The following BNC2 variants were observed in gnomAD, a reference collection of about 807,000 sequenced individuals.
The protein encoded by BNC2 is zinc finger protein basonuclin-2.
In BNC2, 20 loss-of-function variants were observed where a neutral mutation model predicts 76.3. That is an observed-to-expected ratio of 0.26 (90% confidence interval 0.18 to 0.38). The LOEUF (loss-of-function observed/expected upper bound fraction) is 0.38. BNC2 is among the 10% of genes least tolerant of loss of function. The probability of loss-of-function intolerance (pLI) is 1.00; values close to 1 mark genes in which losing one functional copy is unlikely to be tolerated. For synonymous variants in BNC2, 582 were observed against 514.8 expected, an observed-to-expected ratio of 1.13 and a Z score of -1.77; for missense variants, 1,382 against 1,399.8, an observed-to-expected ratio of 0.99 and a Z score of 0.20.
At chr9:16,455,899 A>C (rs1821437983) in intron 5 of BNC2, among the ~76,000 whole-genome samples, 1 of 152,208 alleles carries the variant, frequency 6.6e-6, no homozygotes, top group African/African-American at 2.4e-5. Context: ...GTTATTTCCA[A>C]ATCTGTAGCT....
intron 4 of BNC2, among the ~76,000 whole-genome samples, chr9:16,558,932 T>TC (rs1818924758): frequency 9.0e-6 from 1 of 110,766 alleles, no homozygotes; most frequent in Admixed American, 9.6e-5. Flanking sequence ...AGACTCCGTC[T>TC]CAAAAAAAAA....
At chr9:16,836,115 C>T (rs371152143) in intron 1 of BNC2, among the ~76,000 whole-genome samples, 23 of 152,152 alleles carry the variant, frequency 1.5e-4, no homozygotes, top group Admixed American at 5.9e-4. Flanking sequence ...TTGCCTCTCA[C>T]GCTATGAATG....
At chr9:16,800,246 C>T (rs1817749227) in intron 1 of BNC2, among the ~76,000 whole-genome samples, 1 of 150,280 alleles carries the variant, frequency 6.7e-6, no homozygotes, top group Non-Finnish European at 1.5e-5. Context: ...AGAAAAGAAA[C>T]TATGTAGAAA....
chr9:16,658,765 C>T (rs530833248), intron 3 of BNC2, among the ~76,000 whole-genome samples: 4 of 152,244 alleles, frequency 2.6e-5, no homozygotes, highest in Middle Eastern at 6.8e-3. Context: ...ACAGACAATC[C>T]AGCTACCAAA....
At chr9:16,647,355 G>T (rs1330832634) in intron 3 of BNC2, among the ~76,000 whole-genome samples, 2 of 151,996 alleles carry the variant, frequency 1.3e-5, no homozygotes, top group Non-Finnish European at 2.9e-5. Context: ...ACGGGTGGGG[G>T]CCGGTAGAAG....
intron 3 of BNC2, among the ~76,000 whole-genome samples, chr9:16,718,159 C>T (rs1023985147): frequency 1.3e-5 from 2 of 152,112 alleles, no homozygotes; most frequent in Non-Finnish European, 2.9e-5. Flanking sequence ...CTTATTTGAA[C>T]AACAATGGTA....
intron 5 of BNC2, among the ~76,000 whole-genome samples, chr9:16,524,928 G>A (rs1016700872): frequency 6.6e-6 from 1 of 152,014 alleles, no homozygotes; most frequent in African/African-American, 2.4e-5. Context: ...ACAAAAATTA[G>A]CTGGGTGTGG....
At chr9:16,423,359 C>T (rs1299012691) in intron 6 of BNC2, among the ~76,000 whole-genome samples, 1 of 152,110 alleles carries the variant, frequency 6.6e-6, no homozygotes, top group Non-Finnish European at 1.5e-5. Context: ...GGAAGTTCCT[C>T]TTACAGAAAA....
At chr9:16,569,002 A>ATTTTT (rs1819241738) in intron 4 of BNC2, among the ~76,000 whole-genome samples, 1 of 131,646 alleles carries the variant, frequency 7.6e-6, no homozygotes, top group African/African-American at 3.8e-5. Context: ...TTGCTTCTAG[A>ATTTTT]GTTTTTTTTT....
chr9:16,861,951 T>TGGACTCCAGCCTGGGCGACAGAGCG (rs1819421630), intron 1 of BNC2, among the ~76,000 whole-genome samples: 1 of 150,210 alleles, frequency 6.7e-6, no homozygotes, highest in Non-Finnish European at 1.5e-5. Flanking sequence ...ATTGCACCAC[T>TGGACTCCAGCCTGGGCGACAGAGCG]GGACTCCAGC....
chr9:16,488,451 T>C (rs781705447), intron 5 of BNC2, among the ~76,000 whole-genome samples: 1 of 152,148 alleles, frequency 6.6e-6, no homozygotes, highest in Admixed American at 6.5e-5. Flanking sequence ...CAGAAATAAA[T>C]TAAGCAACTT....
chr9:16,422,326 T>C (rs982679310), intron 6 of BNC2, among the ~76,000 whole-genome samples: 3 of 152,180 alleles, frequency 2.0e-5, no homozygotes, highest in African/African-American at 4.8e-5. Context: ...TCTGCTAATA[T>C]AATTACATTG....
intron 5 of BNC2, among the ~76,000 whole-genome samples, chr9:16,538,982 T>C (rs986014128): frequency 3.3e-5 from 5 of 152,168 alleles, no homozygotes; most frequent in African/African-American, 1.2e-4. Flanking sequence ...CAACTTCCAC[T>C]AAACTGAAAG....
intron 3 of BNC2, chr9:16,727,531 T>C (rs957618821): frequency 1.1e-5 from 5 of 475,820 alleles, no homozygotes; most frequent in South Asian, 2.9e-5. Context: ...CTGACCCAGA[T>C]TGTACTGTGA....
chr9:16,666,226 G>C (rs764773725), intron 3 of BNC2, among the ~76,000 whole-genome samples: 1 of 151,980 alleles, frequency 6.6e-6, no homozygotes, highest in Non-Finnish European at 1.5e-5. Context: ...CTTTCCTCCA[G>C]AGCTATAGTT....
chr9:16,581,872 C>T, intron 4 of BNC2, among the ~76,000 whole-genome samples: 1 of 152,140 alleles, frequency 6.6e-6, no homozygotes, highest in East Asian at 1.9e-4. Flanking sequence ...AGGATTGTGG[C>T]TGCATGGTGG....
chr9:16,526,318 T>A (rs1817798245), intron 5 of BNC2, among the ~76,000 whole-genome samples: 1 of 152,116 alleles, frequency 6.6e-6, no homozygotes, highest in African/African-American at 2.4e-5. Flanking sequence ...GAGATAAGGA[T>A]AACAAAGATC....
At chr9:16,787,389 T>C (rs762026080) in intron 1 of BNC2, among the ~76,000 whole-genome samples, 1 of 152,216 alleles carries the variant, frequency 6.6e-6, no homozygotes, top group Admixed American at 6.5e-5. Flanking sequence ...GAAAACAGCA[T>C]GATGTGCATG....
At chr9:16,509,237 G>A (rs1239298648) in intron 5 of BNC2, among the ~76,000 whole-genome samples, 1 of 152,146 alleles carries the variant, frequency 6.6e-6, no homozygotes, top group Non-Finnish European at 1.5e-5. Flanking sequence ...AAGCCACCTG[G>A]CTCTGGTATC....
Sources: allele counts gnomAD v4.1 joint callset (sites outside exome capture counted in the v4.1 genomes callset), GRCh38; gene constraint gnomAD v4.1.1; transcripts MANE v1.5; gene names NCBI Gene and HGNC (gene_info 2026-07-23, HGNC 2026-07-21).